OR51E2: variants seen among roughly 807,000 people sequenced by gnomAD.
The protein encoded by OR51E2 is olfactory receptor 51E2.
Under a neutral mutation model 13.7 loss-of-function variants are expected in OR51E2, and 14 were observed. The observed-to-expected ratio is 1.02, with a 90% CI of 0.68 to 1.60. The LOEUF is 1.60. Ranked by LOEUF, OR51E2 falls within the 40% of genes most tolerant of loss-of-function variation. The pLI, the probability that OR51E2 is intolerant of heterozygous loss-of-function variation, is 0.00. For synonymous variants in OR51E2, 180 were observed against 157.6 expected, an observed-to-expected ratio of 1.14 and a Z score of -1.07; for missense variants, 483 against 413.8, an observed-to-expected ratio of 1.17 and a Z score of -1.45.
chr11:4,684,156 G>C (rs1295011192), intron 1 of OR51E2, among the ~76,000 whole-genome samples: 1 of 152,180 alleles, frequency 6.6e-6, no homozygotes, highest in African/African-American at 2.4e-5. Context: ...GGACAGATTT[G>C]GGGTTTGAAG....
chr11:4,686,646 A>T (rs1240163510), intron 1 of OR51E2, among the ~76,000 whole-genome samples: 1 of 152,182 alleles, frequency 6.6e-6, no homozygotes, highest in Non-Finnish European at 1.5e-5. Context: ...CAATTATTCA[A>T]CCGATCTTGT....
At position 4,682,018 on chromosome 11, in the gene OR51E2, C is replaced by G; in HGVS notation, c.694G>C (p.Glu232Gln). 6.2e-7 allele frequency: 1 copy of G among 1,614,236 alleles called. No homozygotes were observed. Among genetic ancestry groups the G allele is most frequent in the Non-Finnish European group, 8.5e-7 (1 of 1,180,052 alleles). The change falls in exon 2 of 2, where the codon GAG becomes CAG. Residue 232 changes from glutamate (E) to glutamine (Q), a missense_variant. Transcript: ENST00000396950. ...RTVLQLPSKS[E>Q]RAKAFGTCVS... ...CAGGTTCCAAAGGCCTTGGCCCGCT[C>G]TGACTTGGAAGGCAGTTGCAGAACC...
chr11:4,682,506 T>C lies in OR51E2; in HGVS notation c.206A>G (p.Asp69Gly). Residue 69 changes from aspartate to glycine, a missense_variant, in exon 2 of 2, where the codon GAC becomes GGC. Coordinates refer to ENST00000396950, the MANE Select transcript of OR51E2 (RefSeq NM_030774.4). Reference protein sequence around the residue: ...YLFLCMLAAIDLALSTSTMPK... With the variant: ...YLFLCMLAAIGLALSTSTMPK... ...CATGGTGGATGTGGATAAGGCCAGG[T>C]CAATGGCTGCAAGCATGCAGAGAAA... The C allele has an allele frequency of 1.2e-6, 2 of 1,614,074 alleles. No homozygotes were observed. Among genetic ancestry groups the C allele is most frequent in the Non-Finnish European group, 1.7e-6 (2 of 1,180,004 alleles).
chr11:4,692,032 G>C (rs983970353), intron 1 of OR51E2: 2 of 346,264 alleles, frequency 5.8e-6, no homozygotes, highest in African/African-American at 4.3e-5. Flanking sequence ...TTTACCCTGA[G>C]TTTGCCAATC....
intron 1 of OR51E2, 124 bp from the exon 2 acceptor site, chr11:4,682,885 C>T (rs542301379): frequency 3.0e-5 from 19 of 632,376 alleles, no homozygotes; most frequent in South Asian, 6.2e-5. Flanking sequence ...CTTCCAAAGG[C>T]GGGACTGTGA....
Position 4,681,688 on chromosome 11 carries a change from G to C in OR51E2, c.*61C>G. On this transcript the variant is annotated 3_prime_UTR_variant, in exon 2 of 2. Coordinates refer to ENST00000396950, the MANE Select transcript of OR51E2 (RefSeq NM_030774.4). ...CTTATGGGCAACTGGAAATAAGCTA[G>C]TGTTAGAAATAATTATGTTTATCAA... 6.3e-7 allele frequency: 1 copy of C among 1,581,054 alleles called. No homozygotes were observed. Among genetic ancestry groups the C allele is most frequent in the Non-Finnish European group, 8.7e-7 (1 of 1,155,942 alleles).
Position 4,681,530 on chromosome 11 carries a change from A to G in OR51E2, c.*219T>C. On this transcript the variant is annotated 3_prime_UTR_variant, in exon 2 of 2. Coordinates refer to ENST00000396950, the MANE Select transcript of OR51E2 (RefSeq NM_030774.4). ...CTTTATTGTTTTTCTTAATGTTATA[A>G]GCATGTTTGGTTTTATTGTAGTCTT... 1.8e-6 allele frequency: 1 copy of G among 555,860 alleles called. No homozygotes were observed. The highest frequency in any genetic ancestry group is 2.7e-5 in the South Asian group (1 of 37,040). The allele number at this position is 555,860 out of a possible 1,614,324, so 34.4% of individuals were successfully genotyped here. A position where few individuals can be genotyped will look rare whatever the true frequency, so the allele number is the denominator to read the frequency against.
intron 1 of OR51E2, among the ~76,000 whole-genome samples, chr11:4,685,400 C>T (rs1294578605): frequency 1.3e-5 from 2 of 152,204 alleles, no homozygotes; most frequent in Admixed American, 6.5e-5. Context: ...TAGTGTGTTT[C>T]TTCATGTGCC....
At chr11:4,696,906 T>C (rs950347005) in intron 1 of OR51E2, among the ~76,000 whole-genome samples, 2 of 152,210 alleles carry the variant, frequency 1.3e-5, no homozygotes, top group Non-Finnish European at 2.9e-5. Context: ...TGGGTTCAGA[T>C]TCTTGCTCAA....
Position 4,685,973 on chromosome 11 carries a change from C to T in OR51E2, c.-50-3212G>A, listed in dbSNP as rs538658153. On this transcript the variant is annotated intron_variant, in intron 1 of 1. Transcript: ENST00000396950. The stretch of plus-strand genomic sequence containing the variant: ...CATGAGTCTTGCTTTGTCATTGTCA[C>T]TGTAATCTTTGAACACAGAAACAGA... 3.3e-5 allele frequency: 5 copies of T among 152,350 alleles called. No homozygotes were observed. The East Asian group carries it at 9.6e-4, about 29-fold the overall frequency. The allele number at this position is 152,350 out of a possible 1,614,324, so 9.4% of individuals were successfully genotyped here.
chr11:4,694,337 A>T (rs1449865723), intron 1 of OR51E2, among the ~76,000 whole-genome samples: 1 of 151,898 alleles, frequency 6.6e-6, no homozygotes, highest in East Asian at 1.9e-4. Flanking sequence ...CTTTACAAGC[A>T]TATCTTCCTG....
At chr11:4,691,529 G>A (rs193262556) in intron 1 of OR51E2, 16 of 457,040 alleles carry the variant, frequency 3.5e-5, no homozygotes, top group South Asian at 1.1e-4. Flanking sequence ...ACATTGGTTC[G>A]TGGAGGCTGG....
intron 1 of OR51E2, chr11:4,691,681 T>C (rs566485858): frequency 7.9e-6 from 3 of 379,058 alleles, no homozygotes; most frequent in East Asian, 7.3e-5. Context: ...GAAGTGGAGG[T>C]GATATTCTGC....
In OR51E2 at chr11:4,682,132, TG is replaced by T. The variant is rs780669089; in HGVS notation, c.579del (p.Asn194MetfsTer17). On this transcript the variant is annotated frameshift_variant, in exon 2 of 2. Transcript: ENST00000396950. LOFTEE classifies it high-confidence loss of function. ...VMKLAYADTL[P>X]NVVYGLTAIL... ...ATGGCAGTAAGACCATATACCACAT[TG>T]GGCAAAGTGTCTGCATAGGCCAACT... 1 of 1,614,168 alleles carries T rather than the reference TG, an allele frequency of 6.2e-7. No homozygotes were observed. Among genetic ancestry groups the T allele is most frequent in the South Asian group, 1.1e-5 (1 of 91,082 alleles).
At chr11:4,686,459 T>C (rs940938693) in intron 1 of OR51E2, among the ~76,000 whole-genome samples, 14 of 152,086 alleles carry the variant, frequency 9.2e-5, no homozygotes, top group Admixed American at 2.6e-4. Flanking sequence ...CCTGTAGGAA[T>C]TGGGAGGTGA....
Position 4,682,421 on chromosome 11 carries a change from A to G in OR51E2, c.291T>C (p.Leu97=), listed in dbSNP as rs1564885266. ...DSREISFEAC[L]TQMFFIHALS... is the part of the protein sequence containing the mutation. ...GGGCATGAATAAAGAACATCTGGGT[A>G]AGACAGGCCTCAAAGCTAATCTCTC... Residue 97 remains leucine, a synonymous_variant, in exon 2 of 2, where the codon CTT becomes CTC. Coordinates refer to ENST00000396950, the MANE Select transcript of OR51E2 (RefSeq NM_030774.4). The G allele has an allele frequency of 6.2e-7, 1 of 1,614,210 alleles. No individual in the cohort carries two copies. Among genetic ancestry groups the G allele is most frequent in the Non-Finnish European group, 8.5e-7 (1 of 1,180,022 alleles).
At chr11:4,692,628 G>A (rs1182102998) in intron 1 of OR51E2, among the ~76,000 whole-genome samples, 5 of 152,250 alleles carry the variant, frequency 3.3e-5, no homozygotes, top group African/African-American at 4.8e-5. Context: ...AGTTGAAGAC[G>A]GGGGTCTAGG....
chr11:4,681,715 C>T lies in OR51E2; in HGVS notation c.*34G>A. The T allele has an allele frequency of 5.0e-6, 8 of 1,604,466 alleles. No homozygotes were observed. Among genetic ancestry groups the T allele is most frequent in the Non-Finnish European group, 6.0e-6 (7 of 1,172,316 alleles). On this transcript the variant is annotated 3_prime_UTR_variant, in exon 2 of 2. Transcript: ENST00000396950. The stretch of plus-strand genomic sequence containing the variant: ...GTTAGAAATAATTATGTTTATCAAG[C>T]CAATAAAGATAAGGAGAAGTGTAGT...
Position 4,681,756 on chromosome 11 carries a change from C to T in OR51E2, c.956G>A (p.Gly319Asp). 1 of 1,613,788 alleles carries T rather than the reference C, an allele frequency of 6.2e-7. No homozygotes were observed. Among genetic ancestry groups the T allele is most frequent in the Non-Finnish European group, 8.5e-7 (1 of 1,179,694 alleles). ...GAAGTGTAGTGTTAAGGGTCACTTG[C>T]CTCCCACAGCCTGCAAGTCCTTGTC... ...SCDKDLQAVG[G>D]K The change falls in exon 2 of 2, where the codon GGC becomes GAC. Residue 319 changes from glycine to aspartate, a missense_variant. Transcript: ENST00000396950.
Sources: allele counts gnomAD v4.1 joint callset (sites outside exome capture counted in the v4.1 genomes callset), GRCh38; gene constraint gnomAD v4.1.1; transcripts MANE v1.5; gene names NCBI Gene and HGNC (gene_info 2026-07-23, HGNC 2026-07-21).